The following DYNC1I1 variants were observed in gnomAD, a reference collection of about 807,000 sequenced individuals.
The protein encoded by DYNC1I1 is dynein cytoplasmic 1 intermediate chain 1.
Under a neutral mutation model 86.6 loss-of-function variants are expected in DYNC1I1, and 43 were observed. That is an observed-to-expected ratio of 0.50 (90% CI 0.39 to 0.64). DYNC1I1 has a LOEUF of 0.64. Among genes scored for constraint, DYNC1I1 ranks in the 30% least tolerant of loss-of-function variants. The probability of loss-of-function intolerance (pLI) is 0.00; values close to 1 mark genes in which losing one functional copy is unlikely to be tolerated. For missense variants in DYNC1I1, 604 were observed against 788.8 expected, an observed-to-expected ratio of 0.77 and a Z score of 2.81; for synonymous variants, 262 against 283.7, an observed-to-expected ratio of 0.92 and a Z score of 0.77.
intron 5 of DYNC1I1, among the ~76,000 whole-genome samples, chr7:95,846,625 C>CTGTGTGTGTGTGTGTGTGTGTGTG (rs1461596857): frequency 4.5e-5 from 6 of 132,682 alleles, no homozygotes; most frequent in Non-Finnish European, 8.1e-5. Flanking sequence ...AAATCTCTCT[C>CTGTGTGTGTGTGTGTGTGTGTGTG]TCTGTGTGTG....
At chr7:96,011,090 A>C (rs1201037572) in intron 10 of DYNC1I1, among the ~76,000 whole-genome samples, 2 of 152,166 alleles carry the variant, frequency 1.3e-5, no homozygotes, top group Non-Finnish European at 2.9e-5. Context: ...CAATTTCTTC[A>C]ACACTGTATT....
At chr7:95,996,984 T>A (rs1377916038) in intron 10 of DYNC1I1, among the ~76,000 whole-genome samples, 1 of 152,196 alleles carries the variant, frequency 6.6e-6, no homozygotes, top group African/African-American at 2.4e-5. Flanking sequence ...GAGCCAAGTA[T>A]CTTTTTGAAC....
At position 95,807,357 on chromosome 7, in the gene DYNC1I1, C is replaced by G. The variant is rs574067141; in HGVS notation, c.108+2520C>G. Reference sequence around the variant, plus strand: ...GCCAGGCCCCCTTTATCTCCAATCACGTGAAGGAGTCTGGAGTTAAAAGGG... The same window carrying G: ...GCCAGGCCCCCTTTATCTCCAATCAGGTGAAGGAGTCTGGAGTTAAAAGGG... On this transcript the variant is annotated intron_variant, in intron 2 of 16. Transcript: ENST00000447467. Among the ~76,000 whole-genome samples, 8 of 152,194 alleles carry G rather than the reference C, an allele frequency of 5.3e-5. No homozygotes were observed. In the South Asian group the frequency reaches 1.7e-3, roughly 32 times the overall value.
chr7:95,860,336 AGT>A (rs1250872683), intron 5 of DYNC1I1, among the ~76,000 whole-genome samples: 3 of 152,138 alleles, frequency 2.0e-5, no homozygotes, highest in Non-Finnish European at 4.4e-5. Context: ...ACGTAAAAAT[AGT>A]GTAGAAGGAA....
intron 6 of DYNC1I1, among the ~76,000 whole-genome samples, chr7:95,935,390 G>T (rs900805355): frequency 1.3e-5 from 2 of 152,058 alleles, no homozygotes; most frequent in African/African-American, 4.8e-5. Context: ...TGAACATTTA[G>T]GTTGTTTCCA....
intron 14 of DYNC1I1, among the ~76,000 whole-genome samples, chr7:96,060,680 C>T (rs1246793744): frequency 2.0e-5 from 3 of 151,886 alleles, no homozygotes; most frequent in Non-Finnish European, 4.4e-5. Context: ...AACAAATGCA[C>T]CACTCTGGTA....
At chr7:96,063,123 G>A (rs1789838852) in intron 14 of DYNC1I1, among the ~76,000 whole-genome samples, 1 of 144,928 alleles carries the variant, frequency 6.9e-6, no homozygotes, top group Non-Finnish European at 1.5e-5. Flanking sequence ...GTGTGTGTGT[G>A]TGTGTGTGTA....
intron 6 of DYNC1I1, among the ~76,000 whole-genome samples, chr7:95,903,866 A>G (rs1336820518): frequency 6.6e-6 from 1 of 152,150 alleles, no homozygotes; most frequent in Non-Finnish European, 1.5e-5. Context: ...AATGTGCATC[A>G]TTGGTAGGGT....
At chr7:95,928,449 A>C (rs552594488) in intron 6 of DYNC1I1, among the ~76,000 whole-genome samples, 85 of 152,350 alleles carry the variant, frequency 5.6e-4, no homozygotes, top group Non-Finnish European at 1.1e-3. Flanking sequence ...CTGTTAGTGC[A>C]AGGAGCTGAG....
Position 95,869,994 on chromosome 7 carries a change from T to C in DYNC1I1, c.486T>C (p.Ser162=). 7 of 1,611,662 alleles carry C rather than the reference T, an allele frequency of 4.3e-6. No individual in the cohort carries two copies. Among genetic ancestry groups the C allele is most frequent in the Non-Finnish European group, 5.9e-6 (7 of 1,179,198 alleles). Residue 162 remains serine, a synonymous_variant, in exon 6 of 17, where the codon TCT becomes TCC. Transcript: ENST00000447467. ...AGACTCCTCTTGCCACGCATCAGTC[T>C]GAAGGTAAACTATGTCTTTGGCTTA... The part of the protein sequence containing the change: ...ETQTPLATHQ[S]EEDEEDEEMV...
intron 9 of DYNC1I1, among the ~76,000 whole-genome samples, chr7:95,991,822 A>G (rs998442486): frequency 2.0e-5 from 3 of 151,598 alleles, no homozygotes; most frequent in Admixed American, 6.6e-5. Context: ...ATCCCTTTCA[A>G]TTTCTCTTCC....
intron 6 of DYNC1I1, among the ~76,000 whole-genome samples, chr7:95,964,306 C>T (rs1792949947): frequency 6.6e-6 from 1 of 152,174 alleles, no homozygotes; most frequent in Non-Finnish European, 1.5e-5. Flanking sequence ...ATAATTCCCA[C>T]TTCAAAGAAC....
chr7:95,944,019 C>G (rs893931690), intron 6 of DYNC1I1, among the ~76,000 whole-genome samples: 1 of 152,102 alleles, frequency 6.6e-6, no homozygotes, highest in African/African-American at 2.4e-5. Flanking sequence ...CCAAAATTGA[C>G]AAATGGGATC....
chr7:95,844,359 A>G (rs1048948102), intron 5 of DYNC1I1, among the ~76,000 whole-genome samples: 2 of 152,216 alleles, frequency 1.3e-5, no homozygotes, highest in African/African-American at 4.8e-5. Flanking sequence ...CCTTCACAGA[A>G]GAAAGAACTT....
chr7:96,063,660 A>T (rs1434950997), intron 14 of DYNC1I1, among the ~76,000 whole-genome samples: 1 of 152,174 alleles, frequency 6.6e-6, no homozygotes, highest in African/African-American at 2.4e-5. Flanking sequence ...GCCCGCCCAT[A>T]CAACCTCATT....
chr7:96,020,226 AT>A (rs780039625), intron 10 of DYNC1I1, among the ~76,000 whole-genome samples: 6 of 152,066 alleles, frequency 3.9e-5, no homozygotes, highest in Non-Finnish European at 7.4e-5. Flanking sequence ...CACACTGTTG[AT>A]AAAAACATAC....
chr7:95,801,975 CCCT>C (rs1794588580), intron 1 of DYNC1I1, among the ~76,000 whole-genome samples: 1 of 152,068 alleles, frequency 6.6e-6, no homozygotes, highest in Admixed American at 6.5e-5. Flanking sequence ...CTCTGGCTGG[CCCT>C]CAGTCACGGC....
chr7:96,007,971 A>C (rs750686606), intron 10 of DYNC1I1, among the ~76,000 whole-genome samples: 5 of 152,184 alleles, frequency 3.3e-5, no homozygotes, highest in African/African-American at 1.2e-4. Flanking sequence ...CCTACGGTGA[A>C]GTAAGAGCTG....
chr7:96,034,481 C>T (rs933563411), intron 12 of DYNC1I1, among the ~76,000 whole-genome samples: 2 of 152,148 alleles, frequency 1.3e-5, no homozygotes, highest in Admixed American at 6.6e-5. Context: ...TGGAGGATTT[C>T]GTGACATGGC....
Sources: gnomAD v4.1 joint callset for allele counts (sites outside exome capture counted in the v4.1 genomes callset) on GRCh38, gnomAD v4.1.1 for gene constraint, MANE v1.5 for transcripts, NCBI Gene and HGNC (gene_info 2026-07-23, HGNC 2026-07-21) for gene names.